Variants in SLC35F3 observed in about 807,000 individuals in gnomAD.
SLC35F3 encodes the protein putative thiamine transporter SLC35F3.
SLC35F3 carries 25 observed loss-of-function variants against 49.9 expected under a neutral mutation model. That is an observed-to-expected ratio of 0.50 (90% confidence interval 0.37 to 0.70). SLC35F3 has a LOEUF of 0.70. Ranked by LOEUF, SLC35F3 falls within the 30% of genes least tolerant of loss-of-function variation. The probability of loss-of-function intolerance (pLI) is 0.00; values close to 1 mark genes in which losing one functional copy is unlikely to be tolerated. For synonymous variants in SLC35F3, 275 were observed against 265.4 expected, an observed-to-expected ratio of 1.04 and a Z score of -0.35; for missense variants, 525 against 639.8, an observed-to-expected ratio of 0.82 and a Z score of 1.94.
At position 234,157,046 on chromosome 1, in the gene SLC35F3, A is replaced by T. The variant is rs192562862; in HGVS notation, c.284-74371A>T. Among the ~76,000 whole-genome samples the T allele has an allele frequency of 1.3e-4, 20 of 152,308 alleles. No individual in the cohort carries two copies. In the East Asian group the frequency reaches 3.7e-3, roughly 28 times the overall value. On this transcript the variant is annotated intron_variant, in intron 2 of 7. Coordinates refer to ENST00000366618, the MANE Select transcript of SLC35F3 (RefSeq NM_173508.4). ...TGTTATAAAATTTATTACGGTGGTG[A>T]TGGTACAACTCCATAATTATGCCAA... is the stretch of plus-strand genomic sequence containing the variant.
intron 2 of SLC35F3, among the ~76,000 whole-genome samples, chr1:234,096,310 C>T (rs1360349097): frequency 2.6e-5 from 4 of 152,196 alleles, no homozygotes; most frequent in Non-Finnish European, 5.9e-5. Context: ...CCTGGGAAAG[C>T]AGCCCGCTTC....
At chr1:234,049,440 C>T (rs1263457924) in intron 2 of SLC35F3, among the ~76,000 whole-genome samples, 1 of 151,994 alleles carries the variant, frequency 6.6e-6, no homozygotes, top group African/African-American at 2.4e-5. Flanking sequence ...AAGGACACAA[C>T]AAGAAGCCAG....
Position 234,252,259 on chromosome 1 carries a change from G to A in SLC35F3, c.608+20518G>A, listed in dbSNP as rs148463001. Among the ~76,000 whole-genome samples the A allele has an allele frequency of 6.6e-5, 10 of 152,064 alleles. No individual in the cohort carries two copies. In the East Asian group the frequency reaches 1.5e-3, roughly 24 times the overall value. On this transcript the variant is annotated intron_variant, in intron 3 of 7. Coordinates refer to ENST00000366618, the MANE Select transcript of SLC35F3 (RefSeq NM_173508.4). ...TAATTTTTGTATTTTTAGTAGAGAC[G>A]GTGTTTCACCGTGTTGGTCAGGCTG...
chr1:234,260,057 T>A (rs1667879501), intron 3 of SLC35F3, among the ~76,000 whole-genome samples: 1 of 152,138 alleles, frequency 6.6e-6, no homozygotes, highest in East Asian at 1.9e-4. Flanking sequence ...GTGTTTAACT[T>A]CTACGGCAAA....
chr1:234,208,341 G>A (rs1225137582), intron 2 of SLC35F3, among the ~76,000 whole-genome samples: 2 of 152,214 alleles, frequency 1.3e-5, no homozygotes, highest in Non-Finnish European at 2.9e-5. Flanking sequence ...TGTAGATGTC[G>A]TACATGTGAA....
intron 2 of SLC35F3, among the ~76,000 whole-genome samples, chr1:233,982,416 C>T (rs969670903): frequency 1.3e-5 from 2 of 151,556 alleles, no homozygotes; most frequent in Non-Finnish European, 2.9e-5. Context: ...CTCTTGTTGC[C>T]CAGGCTGGAG....
At chr1:234,210,149 C>T (rs1369882678) in intron 2 of SLC35F3, among the ~76,000 whole-genome samples, 2 of 152,164 alleles carry the variant, frequency 1.3e-5, no homozygotes, top group African/African-American at 4.8e-5. Context: ...CTCTCTTTGC[C>T]TGCTGCCATC....
intron 2 of SLC35F3, among the ~76,000 whole-genome samples, chr1:234,170,167 A>G (rs764133794): frequency 6.6e-6 from 1 of 152,180 alleles, no homozygotes; most frequent in African/African-American, 2.4e-5. Context: ...AAGTATAGCC[A>G]GTCATGAAGT....
At chr1:234,309,875 T>G (rs997360238) in intron 4 of SLC35F3, among the ~76,000 whole-genome samples, 2 of 152,258 alleles carry the variant, frequency 1.3e-5, no homozygotes, top group African/African-American at 4.8e-5. Flanking sequence ...CCAGCTTCAC[T>G]TCCTTCTAAC....
chr1:234,209,526 A>C (rs1429136927), intron 2 of SLC35F3, among the ~76,000 whole-genome samples: 1 of 152,144 alleles, frequency 6.6e-6, no homozygotes, highest in Non-Finnish European at 1.5e-5. Flanking sequence ...GTGTTCACTT[A>C]AGGAATATCC....
intron 3 of SLC35F3, among the ~76,000 whole-genome samples, chr1:234,308,237 G>C (rs893494734): frequency 2.0e-5 from 3 of 152,170 alleles, no homozygotes; most frequent in African/African-American, 7.2e-5. Flanking sequence ...TTGTATCATA[G>C]CCAAAATGTA....
intron 2 of SLC35F3, among the ~76,000 whole-genome samples, chr1:234,090,587 A>C (rs1665028267): frequency 6.6e-6 from 1 of 152,224 alleles, no homozygotes. Context: ...TGAGGTAATC[A>C]GGGTTTCTGT....
chr1:234,244,470 G>A (rs1667600494), intron 3 of SLC35F3, among the ~76,000 whole-genome samples: 1 of 152,086 alleles, frequency 6.6e-6, no homozygotes, highest in Non-Finnish European at 1.5e-5. Context: ...CTCTCGGCAG[G>A]CAGTCTCCAA....
intron 2 of SLC35F3, among the ~76,000 whole-genome samples, chr1:233,917,096 A>T (rs1161798327): frequency 1.3e-5 from 2 of 152,156 alleles, no homozygotes; most frequent in Non-Finnish European, 2.9e-5. Context: ...ACATAGTGGG[A>T]TTACAAGACA....
chr1:234,186,219 T>C lies in SLC35F3; in HGVS notation c.284-45198T>C, dbSNP rs556994329. On this transcript the variant is annotated intron_variant, in intron 2 of 7. Transcript: ENST00000366618. ...CTGGCACCTCATTTGAGGTGAGATA[T>C]GACTTGCTTCAAAGCATTGCTCAAG... 4.1e-4 allele frequency among the ~76,000 whole-genome samples: 63 copies of C among 152,348 alleles called. No individual in the cohort carries two copies. The South Asian group carries it at 9.3e-3, about 23-fold the overall frequency.
chr1:233,978,393 C>T (rs564480696), intron 2 of SLC35F3, among the ~76,000 whole-genome samples: 147 of 152,258 alleles, frequency 9.7e-4, no homozygotes, highest in African/African-American at 3.1e-3. Flanking sequence ...TATGTAATGA[C>T]GAGGGTTTTA....
intron 2 of SLC35F3, among the ~76,000 whole-genome samples, chr1:233,988,190 A>G (rs1364393249): frequency 2.0e-5 from 3 of 152,162 alleles, no homozygotes; most frequent in South Asian, 4.1e-4. Context: ...TAGGGATCAG[A>G]TGGTTTCATT....
chr1:234,233,472 C>A (rs755867210), intron 3 of SLC35F3, among the ~76,000 whole-genome samples: 2 of 152,216 alleles, frequency 1.3e-5, no homozygotes, highest in Non-Finnish European at 2.9e-5. Flanking sequence ...CCCAAATGTG[C>A]TCCATGGCTA....
At chr1:234,178,948 A>G (rs1196912279) in intron 2 of SLC35F3, among the ~76,000 whole-genome samples, 1 of 152,200 alleles carries the variant, frequency 6.6e-6, no homozygotes, top group Non-Finnish European at 1.5e-5. Context: ...ATCTTATACT[A>G]TCTCCACAGT....
Sources: gnomAD v4.1 joint callset for allele counts (sites outside exome capture counted in the v4.1 genomes callset) on GRCh38, gnomAD v4.1.1 for gene constraint, MANE v1.5 for transcripts, NCBI Gene and HGNC (gene_info 2026-07-23, HGNC 2026-07-21) for gene names.